WWOX: variants seen among roughly 807,000 people sequenced by gnomAD.
The protein encoded by WWOX is WW domain containing oxidoreductase.
Under a neutral mutation model 46.2 loss-of-function variants are expected in WWOX, and 69 were observed. That is an observed-to-expected ratio of 1.49 (90% CI 1.23 to 1.82). The LOEUF is 1.82. Among genes scored for constraint, WWOX ranks in the 40% most tolerant of loss-of-function variants. The pLI is 0.00. For synonymous variants in WWOX, 359 were observed against 202.6 expected (o/e 1.77, Z -6.56); for missense variants, 919 against 542.6 (o/e 1.69, Z -6.89).
At chr16:79,050,127 G>C (rs1421811234) in intron 8 of WWOX, among the ~76,000 whole-genome samples, 1 of 152,188 alleles carries the variant, frequency 6.6e-6, no homozygotes, top group Non-Finnish European at 1.5e-5. Flanking sequence ...TGGCAACTGA[G>C]TGGCTCACGG....
intron 8 of WWOX, among the ~76,000 whole-genome samples, chr16:79,092,249 G>T (rs748744953): frequency 6.6e-6 from 1 of 152,088 alleles, no homozygotes; most frequent in Non-Finnish European, 1.5e-5. Context: ...TTAGCCCACC[G>T]ATTATTAAGG....
At chr16:78,461,578 A>G (rs1275471944) in intron 8 of WWOX, among the ~76,000 whole-genome samples, 3 of 152,182 alleles carry the variant, frequency 2.0e-5, no homozygotes, top group African/African-American at 7.2e-5. Flanking sequence ...AGTGACAGGT[A>G]AGGCAGCCAG....
Position 78,103,179 on chromosome 16 carries a change from C to T in WWOX, c.107+3294C>T, listed in dbSNP as rs2031910876. Among the ~76,000 whole-genome samples the T allele has an allele frequency of 2.6e-5, 4 of 151,876 alleles. No homozygotes were observed. In the South Asian group the frequency reaches 8.3e-4, roughly 32 times the overall value. On this transcript the variant is annotated intron_variant, in intron 1 of 8. Coordinates refer to ENST00000566780, the MANE Select transcript of WWOX (RefSeq NM_016373.4). Reference sequence around the variant, plus strand: ...CTCGGGTGCATACATGGTTTCCAAACGCCTTTCCTCCAGCCCTCCCGACTA... The same window carrying T: ...CTCGGGTGCATACATGGTTTCCAAATGCCTTTCCTCCAGCCCTCCCGACTA...
chr16:78,337,412 C>G (rs1166683293), intron 5 of WWOX, among the ~76,000 whole-genome samples: 1 of 152,160 alleles, frequency 6.6e-6, no homozygotes, highest in African/African-American at 2.4e-5. Context: ...GGTCCTGCCC[C>G]TGGTATGAGG....
intron 8 of WWOX, among the ~76,000 whole-genome samples, chr16:78,925,735 G>C (rs562000187): frequency 4.5e-4 from 68 of 152,294 alleles, no homozygotes; most frequent in African/African-American, 1.6e-3. Flanking sequence ...GTCATATTTT[G>C]TTTCTCTCTA....
At chr16:78,367,584 T>A (rs1293607087) in intron 5 of WWOX, among the ~76,000 whole-genome samples, 1 of 152,018 alleles carries the variant, frequency 6.6e-6, no homozygotes. Context: ...AGAACAACAT[T>A]TTTGTAAGTA....
intron 8 of WWOX, among the ~76,000 whole-genome samples, chr16:79,148,620 G>C (rs1256126264): frequency 2.6e-5 from 4 of 152,068 alleles, no homozygotes; most frequent in Non-Finnish European, 5.9e-5. Context: ...AGTTTTAATG[G>C]GGTTTAAATC....
chr16:78,347,549 G>A (rs2081115366), intron 5 of WWOX, among the ~76,000 whole-genome samples: 1 of 118,678 alleles, frequency 8.4e-6, no homozygotes. Context: ...TAGGCGTGTT[G>A]CATCTTCCTG....
Position 78,927,266 on chromosome 16 carries a change from G to A in WWOX, c.1057-284342G>A, listed in dbSNP as rs1206424574. Among the ~76,000 whole-genome samples, 4 of 152,284 alleles carry A rather than the reference G, an allele frequency of 2.6e-5. No individual in the cohort carries two copies. The East Asian group carries it at 5.8e-4, about 22-fold the overall frequency. ...CTTATCCATTTAGTCCGAGCTTCAG[G>A]GAAAGAACATGACACCGGCCTCCAG... On this transcript the variant is annotated intron_variant, in intron 8 of 8. Transcript: ENST00000566780.
At chr16:78,560,503 G>C (rs553554166) in intron 8 of WWOX, among the ~76,000 whole-genome samples, 28 of 152,222 alleles carry the variant, frequency 1.8e-4, no homozygotes, top group Middle Eastern at 3.4e-3. Context: ...AATTAGCCGG[G>C]TGTGGCGGTG....
At chr16:78,585,317 C>G (rs1393003102) in intron 8 of WWOX, among the ~76,000 whole-genome samples, 2 of 152,116 alleles carry the variant, frequency 1.3e-5, no homozygotes, top group African/African-American at 2.4e-5. Flanking sequence ...GATCTTAGGT[C>G]GAATGGAGAC....
chr16:78,413,211 G>C (rs147774952), intron 6 of WWOX, among the ~76,000 whole-genome samples: 1 of 152,124 alleles, frequency 6.6e-6, no homozygotes, highest in Admixed American at 6.5e-5. Flanking sequence ...TTCAGGGATC[G>C]GAGTCTTTAA....
At chr16:78,612,966 C>A (rs1375210271) in intron 8 of WWOX, among the ~76,000 whole-genome samples, 1 of 152,176 alleles carries the variant, frequency 6.6e-6, no homozygotes, top group African/African-American at 2.4e-5. Context: ...ACCAACCTTG[C>A]CTTTCACCCT....
intron 8 of WWOX, among the ~76,000 whole-genome samples, chr16:78,969,483 C>G (rs1235600557): frequency 6.6e-6 from 1 of 152,018 alleles, no homozygotes; most frequent in Admixed American, 6.6e-5. Flanking sequence ...GTTGGCCAGG[C>G]TGGTCTCAAA....
At chr16:78,563,934 A>G (rs2044501461) in intron 8 of WWOX, among the ~76,000 whole-genome samples, 2 of 152,320 alleles carry the variant, frequency 1.3e-5, no homozygotes, top group Non-Finnish European at 2.9e-5. Flanking sequence ...ATTTGGAAAC[A>G]CGGCACAAGC....
rs187047581 is a variant in WWOX at position 78,336,752 on chromosome 16, A to G, written c.517-50108A>G. Among the ~76,000 whole-genome samples the G allele has an allele frequency of 3.1e-3, 475 of 152,148 alleles. 4 individuals are homozygous for G. The highest frequency in any genetic ancestry group is 0.011 in the African/African-American group (439 of 41,508). On this transcript the variant is annotated intron_variant, in intron 5 of 8. Coordinates refer to ENST00000566780, the MANE Select transcript of WWOX (RefSeq NM_016373.4). Reference sequence around the variant, plus strand: ...AAAAGTTTTGGCTTATAAAAATGGTATTTCCTGAGTTTTTACAATTATAGT... The same window carrying G: ...AAAAGTTTTGGCTTATAAAAATGGTGTTTCCTGAGTTTTTACAATTATAGT...
chr16:78,466,039 G>T (rs962535315), intron 8 of WWOX, among the ~76,000 whole-genome samples: 4 of 148,460 alleles, frequency 2.7e-5, no homozygotes, highest in Non-Finnish European at 6.0e-5. Context: ...TTGGTTTTTT[G>T]TTTTTTTTTT....
chr16:78,756,856 C>T (rs750172853), intron 8 of WWOX: 23 of 699,026 alleles, frequency 3.3e-5, no homozygotes, highest in Admixed American at 6.0e-5. Flanking sequence ...TAGGGTATTG[C>T]AGACATCAGA....
At chr16:78,845,607 G>A (rs886319550) in intron 8 of WWOX, among the ~76,000 whole-genome samples, 1 of 152,144 alleles carries the variant, frequency 6.6e-6, no homozygotes, top group Non-Finnish European at 1.5e-5. Context: ...CTGCGTAATA[G>A]TCCATAATTT....
Sources: gnomAD v4.1 joint callset for allele counts (sites outside exome capture counted in the v4.1 genomes callset) on GRCh38, gnomAD v4.1.1 for gene constraint, MANE v1.5 for transcripts, NCBI Gene and HGNC (gene_info 2026-07-23, HGNC 2026-07-21) for gene names.